LMF1: variants seen among roughly 807,000 people sequenced by gnomAD.
LMF1 encodes transmembrane protein 112.
LMF1 carries 68 observed loss-of-function variants against 60.6 expected under a neutral mutation model. The observed-to-expected ratio is 1.12, with a 90% CI of 0.92 to 1.37. The LOEUF (loss-of-function observed/expected upper bound fraction) is 1.37, where lower values mean the gene tolerates loss of function less well. Among genes scored for constraint, LMF1 ranks in the 40% most tolerant of loss-of-function variants. LMF1 has a pLI of 0.00. For missense variants in LMF1, 948 were observed against 767.2 expected, an observed-to-expected ratio of 1.24 and a Z score of -2.78; for synonymous variants, 418 against 324.7, an observed-to-expected ratio of 1.29 and a Z score of -3.09.
At chr16:879,849 C>G (rs1037207185) in intron 5 of LMF1, 112 bp from the exon 6 acceptor site, 75 of 1,073,476 alleles carry the variant, frequency 7.0e-5, no homozygotes, top group Non-Finnish European at 9.5e-5. Flanking sequence ...CACACAGGAT[C>G]CCCCCGGCCC....
At chr16:856,011 C>G (rs930459972) in intron 10 of LMF1, 1 of 455,174 alleles carries the variant, frequency 2.2e-6, no homozygotes, top group Admixed American at 2.4e-5. Context: ...CCAGGAAAAC[C>G]GGGAAGACAG....
intron 4 of LMF1, among the ~76,000 whole-genome samples, chr16:896,996 CT>C (rs1399745709): frequency 2.6e-5 from 4 of 151,216 alleles, no homozygotes; most frequent in African/African-American, 9.7e-5. Flanking sequence ...AAAATTAATT[CT>C]AAAAAAAAAA....
chr16:929,787 G>A (rs895867121), intron 3 of LMF1, among the ~76,000 whole-genome samples: 3 of 152,352 alleles, frequency 2.0e-5, no homozygotes, highest in African/African-American at 7.2e-5. Flanking sequence ...GTTTTCCTGC[G>A]TCCTGGAAAG....
In LMF1 at chr16:951,636, C is replaced by T. The variant is rs151100220; in HGVS notation, c.503+2721G>A. Among the ~76,000 whole-genome samples the T allele has an allele frequency of 4.3e-3, 651 of 152,318 alleles. 6 individuals are homozygous for T. The highest frequency in any genetic ancestry group is 0.014 in the African/African-American group (574 of 41,556). ...GACCCCCAAAGTACCAAAACAAAAA[C>T]GTGCAAGTCCACGCTGCGACAAACC... On this transcript the variant is annotated intron_variant, in intron 2 of 10. Transcript: ENST00000262301.
chr16:940,204 G>A (rs1308660812), intron 2 of LMF1, among the ~76,000 whole-genome samples: 1 of 152,172 alleles, frequency 6.6e-6, no homozygotes, highest in African/African-American at 2.4e-5. Flanking sequence ...GGTGGAACTG[G>A]CCCTGCCGAC....
chr16:964,758 C>T lies in LMF1; in HGVS notation c.193+6030G>A, dbSNP rs573486676. On this transcript the variant is annotated intron_variant, in intron 1 of 10. Transcript: ENST00000262301. The stretch of plus-strand genomic sequence containing the variant: ...GCAAATACGGGTGCAAACGATTCTG[C>T]CTGCCACGTCAACCCTGCCTCGGGT... Among the ~76,000 whole-genome samples, 64 of 152,312 alleles carry T rather than the reference C, an allele frequency of 4.2e-4. 1 individual carries two copies. The South Asian group carries it at 0.013, about 31-fold the overall frequency.
chr16:889,306 CCTTT>C (rs1249324389), intron 5 of LMF1, among the ~76,000 whole-genome samples: 2 of 152,212 alleles, frequency 1.3e-5, no homozygotes, highest in Non-Finnish European at 2.9e-5. Context: ...CCGGCAACTG[CCTTT>C]CGTTACCAGC....
chr16:876,331 C>T (rs973182158), intron 6 of LMF1, among the ~76,000 whole-genome samples: 2 of 149,986 alleles, frequency 1.3e-5, no homozygotes, highest in Non-Finnish European at 3.0e-5. Context: ...GGAGGGTCGG[C>T]GGGGCACAGA....
chr16:932,971 G>A (rs1031378352), intron 3 of LMF1: 71 of 152,306 alleles, frequency 4.7e-4, no homozygotes, highest in Admixed American at 4.3e-3. Flanking sequence ...TCCCACACGC[G>A]TGAGCACTCT....
upstream of LMF1, chr16:981,447 C>G (rs1336338302): frequency 1.7e-4 from 47 of 279,366 alleles, 2 homozygotes; most frequent in South Asian, 8.3e-4. Flanking sequence ...GGGGGGCGGA[C>G]TCTCAGGAGC....
chr16:869,673 G>A, intron 9 of LMF1: 1 of 658,894 alleles, frequency 1.5e-6, no homozygotes. Context: ...GACCCGGGGG[G>A]ACGGTGGGGC....
chr16:880,399 C>T (rs918743926), intron 5 of LMF1, among the ~76,000 whole-genome samples: 3 of 152,200 alleles, frequency 2.0e-5, no homozygotes, highest in Admixed American at 6.5e-5. Flanking sequence ...AGGCCAGGCA[C>T]GGTGGCTCAT....
rs529578816 is a variant in LMF1 at position 881,212 on chromosome 16, G to A, written c.730-1475C>T. Among the ~76,000 whole-genome samples the A allele has an allele frequency of 3.3e-5, 5 of 152,232 alleles. No homozygotes were observed. In the East Asian group the frequency reaches 7.7e-4, roughly 24 times the overall value. The stretch of plus-strand genomic sequence containing the variant: ...CATGTGCACACCCGAGGGGGTGACC[G>A]GGCACAGGGCCCCAGTGCACCCCAA... On this transcript the variant is annotated intron_variant, in intron 5 of 10. Coordinates refer to ENST00000262301, the MANE Select transcript of LMF1 (RefSeq NM_022773.4).
intron 2 of LMF1, among the ~76,000 whole-genome samples, chr16:936,675 T>A (rs1040572912): frequency 2.6e-5 from 4 of 152,240 alleles, no homozygotes; most frequent in Admixed American, 2.6e-4. Context: ...GACCAAAATC[T>A]TCCAAGCAAC....
At chr16:857,048 G>A (rs1301440031) in intron 10 of LMF1, among the ~76,000 whole-genome samples, 3 of 152,262 alleles carry the variant, frequency 2.0e-5, no homozygotes, top group Admixed American at 6.5e-5. Context: ...CCGCGGGGCA[G>A]GCGATTCTCA....
At chr16:883,931 C>A (rs981145967) in intron 5 of LMF1, 3 of 152,148 alleles carry the variant, frequency 2.0e-5, no homozygotes, top group Non-Finnish European at 2.9e-5. Flanking sequence ...TCTTTTACAT[C>A]CTTCCTTATT....
intron 10 of LMF1, among the ~76,000 whole-genome samples, chr16:859,937 T>A (rs1423524006): frequency 7.5e-6 from 1 of 133,274 alleles, no homozygotes; most frequent in Non-Finnish European, 1.5e-5. Flanking sequence ...GTGTGAGTGG[T>A]GTCACGGGAT....
chr16:916,030 G>A lies in LMF1; in HGVS notation c.515-4951C>T, dbSNP rs772472207. 3.3e-5 allele frequency among the ~76,000 whole-genome samples: 5 copies of A among 152,182 alleles called. No individual in the cohort carries two copies. In the East Asian group the frequency reaches 9.6e-4, roughly 29 times the overall value. ...GCCCTCAGGACACAGGGAGGGACACGGGGTAGCCTCCGGCAAAGGGAGGGA... is the reference window on the plus strand; with the variant it reads ...GCCCTCAGGACACAGGGAGGGACACAGGGTAGCCTCCGGCAAAGGGAGGGA... On this transcript the variant is annotated intron_variant, in intron 3 of 10. Transcript: ENST00000262301.
Position 869,925 on chromosome 16 carries a change from G to C in LMF1, c.1374C>G (p.Tyr458Ter), listed in dbSNP as rs908611545. 1.9e-6 allele frequency: 3 copies of C among 1,613,146 alleles called. No homozygotes were observed. The highest frequency in any genetic ancestry group is 1.3e-5 in the African/African-American group (1 of 74,942). The change falls in exon 9 of 11, where the codon TAC becomes TAG. Residue 458 changes from tyrosine to a stop codon, truncating the protein, a stop_gained. Coordinates refer to ENST00000262301, the MANE Select transcript of LMF1 (RefSeq NM_022773.4). LOFTEE classifies it high-confidence loss of function. ...ACATCAGCCAGTCCAGGCGGTAGTG[G>C]TACGGGGAGATGAGGCAGGGCCGTC... is the stretch of plus-strand genomic sequence containing the variant. ...PSRRPCLISP[Y>*]HYRLDWLMWF...
Sources: gnomAD v4.1 joint callset for allele counts (sites outside exome capture counted in the v4.1 genomes callset) on GRCh38, gnomAD v4.1.1 for gene constraint, MANE v1.5 for transcripts, NCBI Gene and HGNC (gene_info 2026-07-23, HGNC 2026-07-21) for gene names.